LRFN5: variants seen among roughly 807,000 people sequenced by gnomAD.
LRFN5 encodes the protein leucine-rich repeat and fibronectin type-III domain-containing protein 5.
A neutral mutation model predicts 45.6 loss-of-function variants in LRFN5; 24 were observed. The observed-to-expected ratio is 0.53, with a 90% CI of 0.38 to 0.74. The LOEUF (loss-of-function observed/expected upper bound fraction) is 0.74. Ranked by LOEUF, LRFN5 falls within the 30% of genes least tolerant of loss-of-function variation. The probability of loss-of-function intolerance (pLI) is 0.00; values close to 1 mark genes in which losing one functional copy is unlikely to be tolerated. For synonymous variants in LRFN5, 340 were observed against 313.8 expected, an observed-to-expected ratio of 1.08 and a Z score of -0.88; for missense variants, 776 against 861.5, an observed-to-expected ratio of 0.90 and a Z score of 1.24.
At chr14:41,697,417 A>C (rs1882658462) in intron 1 of LRFN5, among the ~76,000 whole-genome samples, 1 of 151,838 alleles carries the variant, frequency 6.6e-6, no homozygotes, top group African/African-American at 2.4e-5. Context: ...ATTTTGTTTC[A>C]GTACTTTATA....
At chr14:41,673,971 CG>C (rs1881419583) in intron 1 of LRFN5, among the ~76,000 whole-genome samples, 1 of 141,368 alleles carries the variant, frequency 7.1e-6, no homozygotes, top group African/African-American at 2.7e-5. Context: ...CCCTCCCGGA[CG>C]GGGTGGCTGC....
chr14:41,904,299 T>C lies in LRFN5; in HGVS notation c.*124T>C. On this transcript the variant is annotated 3_prime_UTR_variant, in exon 6 of 6. Coordinates refer to ENST00000298119, the MANE Select transcript of LRFN5 (RefSeq NM_152447.5). ...AACTGGTGTCGTAGAAGAAATTGTC[T>C]ACAGGAGCCAAGGTGAAAGTCTCTG... 8.5e-7 allele frequency: 1 copy of C among 1,182,202 alleles called. No homozygotes were observed. Among genetic ancestry groups the C allele is most frequent in the South Asian group, 1.3e-5 (1 of 79,324 alleles). 73.2% of individuals were successfully genotyped at this position (1,182,202 alleles called of 1,614,324 possible). A position where few individuals can be genotyped will look rare whatever the true frequency, so the allele number is the denominator to read the frequency against.
intron 1 of LRFN5, among the ~76,000 whole-genome samples, chr14:41,757,813 T>A (rs1053446996): frequency 2.6e-5 from 4 of 152,162 alleles, no homozygotes; most frequent in Admixed American, 2.0e-4. Flanking sequence ...GGTACCTCAG[T>A]TGGAAATGCA....
intron 5 of LRFN5, among the ~76,000 whole-genome samples, chr14:41,901,636 ATAAT>A (rs1206817493): frequency 6.6e-6 from 1 of 152,146 alleles, no homozygotes; most frequent in Non-Finnish European, 1.5e-5. Context: ...AATTTTTTAG[ATAAT>A]TAATATACAA....
intron 2 of LRFN5, among the ~76,000 whole-genome samples, chr14:41,793,160 GA>G (rs537474247): frequency 5.3e-4 from 79 of 149,968 alleles, no homozygotes; most frequent in East Asian, 1.4e-3. Flanking sequence ...AAAAAAAAAA[GA>G]AAAAAAAAGT....
intron 2 of LRFN5, among the ~76,000 whole-genome samples, chr14:41,881,738 T>C (rs1176425538): frequency 6.6e-6 from 1 of 152,170 alleles, no homozygotes; most frequent in Non-Finnish European, 1.5e-5. Context: ...TATTGATTTG[T>C]CTTCAATTAC....
chr14:41,631,772 G>GAAGC (rs1362263360), intron 1 of LRFN5, among the ~76,000 whole-genome samples: 1 of 152,156 alleles, frequency 6.6e-6, no homozygotes, highest in Non-Finnish European at 1.5e-5. Context: ...CCTTGGGGCA[G>GAAGC]AAGCAAGCTT....
At chr14:41,875,007 GGT>G (rs1890141083) in intron 2 of LRFN5, among the ~76,000 whole-genome samples, 1 of 152,100 alleles carries the variant, frequency 6.6e-6, no homozygotes, top group African/African-American at 2.4e-5. Flanking sequence ...CCACCAACTG[GGT>G]CCCTCCCATG....
chr14:41,797,455 A>T (rs1887171975), intron 2 of LRFN5, among the ~76,000 whole-genome samples: 1 of 151,670 alleles, frequency 6.6e-6, no homozygotes, highest in Admixed American at 6.6e-5. Flanking sequence ...ATCTTATGAT[A>T]GCATTGTTCT....
chr14:41,634,907 GATAA>G (rs1274937954), intron 1 of LRFN5, among the ~76,000 whole-genome samples: 4 of 152,050 alleles, frequency 2.6e-5, no homozygotes, highest in Non-Finnish European at 4.4e-5. Flanking sequence ...ATAGTCCCCT[GATAA>G]ATAATTATTC....
intron 1 of LRFN5, chr14:41,742,630 A>G (rs1884749683): frequency 6.6e-6 from 1 of 152,246 alleles, no homozygotes; most frequent in South Asian, 2.1e-4. Flanking sequence ...AACATCAGCA[A>G]TTCCCGTGGA....
chr14:41,700,254 A>G (rs776688187), intron 1 of LRFN5: 1 of 152,106 alleles, frequency 6.6e-6, no homozygotes, highest in African/African-American at 2.4e-5. Context: ...TATTAGGAGA[A>G]GCGCAGGTAG....
chr14:41,869,168 T>C (rs893756740), intron 2 of LRFN5, among the ~76,000 whole-genome samples: 2 of 152,186 alleles, frequency 1.3e-5, no homozygotes, highest in African/African-American at 2.4e-5. Flanking sequence ...CTCCAATTTA[T>C]ATTTCTGTTC....
At chr14:41,790,218 T>A (rs1886870023) in intron 2 of LRFN5, among the ~76,000 whole-genome samples, 1 of 152,000 alleles carries the variant, frequency 6.6e-6, no homozygotes, top group Non-Finnish European at 1.5e-5. Context: ...TAAAATGTAT[T>A]GTTATTTACT....
intron 4 of LRFN5, among the ~76,000 whole-genome samples, chr14:41,895,866 G>C (rs76357624): frequency 1.6e-3 from 240 of 152,014 alleles, no homozygotes; most frequent in Admixed American, 3.1e-3. Context: ...AACATAACAA[G>C]TCTAATCTTT....
intron 1 of LRFN5, among the ~76,000 whole-genome samples, chr14:41,617,191 T>A (rs1887956689): frequency 6.6e-6 from 1 of 152,134 alleles, no homozygotes; most frequent in Admixed American, 6.6e-5. Context: ...TGGATGATGA[T>A]GATCATCAGC....
chr14:41,870,913 A>C (rs2139117869), intron 2 of LRFN5, among the ~76,000 whole-genome samples: 1 of 152,172 alleles, frequency 6.6e-6, no homozygotes, highest in Middle Eastern at 3.4e-3. Flanking sequence ...AACTCTCAAA[A>C]ATTTTTTATG....
chr14:41,684,236 A>T (rs944293801), intron 1 of LRFN5, among the ~76,000 whole-genome samples: 13 of 152,214 alleles, frequency 8.5e-5, no homozygotes, highest in Admixed American at 8.5e-4. Context: ...ATCCGTATAC[A>T]GAAAAGTGAA....
At chr14:41,783,901 A>AT (rs1473807286) in intron 2 of LRFN5, among the ~76,000 whole-genome samples, 1 of 151,954 alleles carries the variant, frequency 6.6e-6, no homozygotes, top group Non-Finnish European at 1.5e-5. Context: ...TCTTTTTCTA[A>AT]TTTTCACTTT....
Sources: allele counts gnomAD v4.1 joint callset (sites outside exome capture counted in the v4.1 genomes callset), GRCh38; gene constraint gnomAD v4.1.1; transcripts MANE v1.5; gene names NCBI Gene and HGNC (gene_info 2026-07-23, HGNC 2026-07-21).